Variants in RPGRIP1L observed in about 807,000 individuals in gnomAD.
RPGRIP1L encodes RPGRIP1 like.
In RPGRIP1L, 131 loss-of-function variants were observed where a neutral mutation model predicts 160.4. That is an observed-to-expected ratio of 0.82 (90% CI 0.71 to 0.94). The LOEUF (loss-of-function observed/expected upper bound fraction) is 0.94. Ranked by LOEUF, RPGRIP1L falls within the 40% of genes least tolerant of loss-of-function variation. The pLI, the probability that RPGRIP1L is intolerant of heterozygous loss-of-function variation, is 0.00. For missense variants in RPGRIP1L, 1,522 were observed against 1,535.8 expected, an observed-to-expected ratio of 0.99 and a Z score of 0.15; for synonymous variants, 510 against 515.8, an observed-to-expected ratio of 0.99 and a Z score of 0.15.
intron 22 of RPGRIP1L, among the ~76,000 whole-genome samples, chr16:53,630,163 GC>G (rs754688143): frequency 4.5e-4 from 68 of 152,014 alleles, no homozygotes; most frequent in South Asian, 8.3e-4. Flanking sequence ...TCCAACCTCA[GC>G]CTTCAGAGTA....
intron 17 of RPGRIP1L, among the ~76,000 whole-genome samples, chr16:53,643,008 T>C (rs1966331466): frequency 6.6e-6 from 1 of 151,972 alleles, no homozygotes; most frequent in Non-Finnish European, 1.5e-5. Flanking sequence ...ATATCAGAAG[T>C]GGGCGTTGGC....
chr16:53,623,990 C>T (rs1205507901), intron 22 of RPGRIP1L, among the ~76,000 whole-genome samples: 1 of 152,158 alleles, frequency 6.6e-6, no homozygotes, highest in Non-Finnish European at 1.5e-5. Flanking sequence ...CTCCCAGGCT[C>T]GAGTGATCCT....
chr16:53,656,349 A>G (rs1967254558), intron 14 of RPGRIP1L, 123 bp downstream of exon 14: 1 of 794,054 alleles, frequency 1.3e-6, no homozygotes, highest in East Asian at 2.4e-5. Context: ...TTCATGAGCT[A>G]GCTATGAATT....
chr16:53,620,153 G>A (rs1964617072), intron 23 of RPGRIP1L, among the ~76,000 whole-genome samples: 2 of 152,048 alleles, frequency 1.3e-5, no homozygotes, highest in Admixed American at 1.3e-4. Context: ...CCAGCTTTTA[G>A]GAATTCATTG....
chr16:53,686,994 C>G (rs1052273740), intron 5 of RPGRIP1L, among the ~76,000 whole-genome samples: 1 of 152,114 alleles, frequency 6.6e-6, no homozygotes, highest in Non-Finnish European at 1.5e-5. Flanking sequence ...TTAGTGGTCT[C>G]TGGCATGCAT....
intron 5 of RPGRIP1L, among the ~76,000 whole-genome samples, chr16:53,687,083 A>G (rs1334501726): frequency 5.3e-5 from 8 of 152,156 alleles, no homozygotes. Flanking sequence ...TCAGGTGATC[A>G]TCAGGTAACA....
rs1345034748 is a variant in RPGRIP1L, at chr16:53,692,253, C to G, written c.342G>C (p.Gln114His). ...CAAGCTCATGAACTTTCTCTTGCAG[C>G]TGCTCAATCATTTCTTCCATTTCCA... ...RDVEMEEMIEQLQEKVHELEK... is the reference protein window; with the variant it reads ...RDVEMEEMIEHLQEKVHELEK... The change falls in exon 4 of 27, where the codon CAG (glutamine) becomes CAC (histidine). Residue 114 changes from glutamine to histidine, a missense_variant. Coordinates refer to ENST00000647211, the MANE Select transcript of RPGRIP1L (RefSeq NM_015272.5). The G allele has an allele frequency of 6.2e-7, 1 of 1,614,074 alleles. No individual in the cohort carries two copies. The highest frequency in any genetic ancestry group is 1.3e-5 in the African/African-American group (1 of 74,928).
At chr16:53,628,633 A>T (rs764637842) in intron 22 of RPGRIP1L, 3 of 152,190 alleles carry the variant, frequency 2.0e-5, no homozygotes, top group Non-Finnish European at 4.4e-5. Context: ...TACAAAGGTG[A>T]TGTCTCCAGA....
intron 6 of RPGRIP1L, among the ~76,000 whole-genome samples, chr16:53,682,964 C>T (rs886489930): frequency 1.3e-5 from 2 of 152,080 alleles, no homozygotes; most frequent in South Asian, 4.1e-4. Flanking sequence ...TGTCACTAGA[C>T]ATATAGGATT....
intron 10 of RPGRIP1L, chr16:53,659,310 A>G (rs1290501671): frequency 1.1e-5 from 5 of 442,486 alleles, no homozygotes. Flanking sequence ...AGCATATAGT[A>G]TTTTTATTAA....
At chr16:53,639,181 C>G (rs1966045667) in intron 19 of RPGRIP1L, among the ~76,000 whole-genome samples, 1 of 151,708 alleles carries the variant, frequency 6.6e-6, no homozygotes, top group African/African-American at 2.4e-5. Flanking sequence ...CAGCTTATGA[C>G]TTTTACTATT....
intron 14 of RPGRIP1L, among the ~76,000 whole-genome samples, chr16:53,655,149 A>G (rs1598336876): frequency 6.6e-6 from 1 of 152,336 alleles, no homozygotes; most frequent in Non-Finnish European, 1.5e-5. Flanking sequence ...AAGCAGATAT[A>G]AAAATCCAGC....
At position 53,617,073 on chromosome 16, in the gene RPGRIP1L, C is replaced by CAAAAAAAAAAAAAAAAAAA. The variant is rs397945611; in HGVS notation, c.3616+1933_3616+1951dup. Reference sequence around the variant, plus strand: ...GGCAATAGCACCAGACCTTGCATCACAAAAAAAAAAAAAAAAAAAAAAAAA... The same window carrying CAAAAAAAAAAAAAAAAAAA: ...GGCAATAGCACCAGACCTTGCATCACAAAAAAAAAAAAAAAAAAAAAAAAAAAAAAAAAAAAAAAAAAAA... On this transcript the variant is annotated intron_variant, in intron 24 of 26. Transcript: ENST00000647211. 1.4e-3 allele frequency among the ~76,000 whole-genome samples: 31 copies of CAAAAAAAAAAAAAAAAAAA among 21,842 alleles called. 2 individuals are homozygous for CAAAAAAAAAAAAAAAAAAA. Among genetic ancestry groups the CAAAAAAAAAAAAAAAAAAA allele is most frequent in the East Asian group, 4.3e-3 (4 of 930 alleles). 14.3% of individuals were successfully genotyped at this position (21,842 alleles called of 152,430 possible). A position where few individuals can be genotyped will look rare whatever the true frequency, so the allele number is the denominator to read the frequency against.
intron 26 of RPGRIP1L, 77 bp from the exon 27 acceptor site, chr16:53,602,265 T>C: frequency 1.1e-6 from 1 of 944,616 alleles, no homozygotes; most frequent in Admixed American, 1.8e-5. Context: ...ACAGAAACAG[T>C]AGTTGAAAAG....
chr16:53,692,331 G>C lies in RPGRIP1L; in HGVS notation c.264C>G (p.Asp88Glu). The C allele has an allele frequency of 6.2e-7, 1 of 1,613,984 alleles. No homozygotes were observed. The highest frequency in any genetic ancestry group is 8.5e-7 in the Non-Finnish European group (1 of 1,179,998). Residue 88 changes from aspartate (D) to glutamate (E), a missense_variant, in exon 4 of 27, where the codon GAC (aspartate) becomes GAG (glutamate). Physicochemically the swap from Asp to Glu is conservative, Grantham distance 45. Coordinates refer to ENST00000647211, the MANE Select transcript of RPGRIP1L (RefSeq NM_015272.5). Reference protein sequence around the residue: ...MATKLIRLVNDKKRYERVGGG... With the variant: ...MATKLIRLVNEKKRYERVGGG... ...CACCAACCCGCTCATATCTTTTCTT[G>C]TCATTAACTAGCCGTATTAACTTGG...
At chr16:53,695,696 C>G in intron 3 of RPGRIP1L, 2 of 443,036 alleles carry the variant, frequency 4.5e-6, no homozygotes, top group Non-Finnish European at 8.0e-6. Context: ...CTAGTATAAC[C>G]CAAGCAAAGT....
intron 22 of RPGRIP1L, among the ~76,000 whole-genome samples, chr16:53,631,888 G>A (rs1278398766): frequency 6.6e-6 from 1 of 152,134 alleles, no homozygotes. Flanking sequence ...AAATTGGGTG[G>A]CACATTATGT....
At position 53,655,145 on chromosome 16, in the gene RPGRIP1L, A is replaced by G. The variant is rs576541824; in HGVS notation, c.1699+1327T>C. Among the ~76,000 whole-genome samples, 174 of 152,368 alleles carry G rather than the reference A, an allele frequency of 1.1e-3. 1 individual carries two copies. The highest frequency in any genetic ancestry group is 4.1e-3 in the African/African-American group (170 of 41,592). On this transcript the variant is annotated intron_variant, in intron 14 of 26. Transcript: ENST00000647211. ...CACAACAGATTAAATGCAGAAGCAG[A>G]TATAAAAATCCAGCTGTTTTCTATT...
chr16:53,645,702 C>T lies in RPGRIP1L; in HGVS notation c.2606G>A (p.Ser869Asn). 1 of 1,614,038 alleles carries T rather than the reference C, an allele frequency of 6.2e-7. No individual in the cohort carries two copies. Among genetic ancestry groups the T allele is most frequent in the Non-Finnish European group, 8.5e-7 (1 of 1,179,968 alleles). Residue 869 changes from serine (S) to asparagine (N), a missense_variant, in exon 17 of 27, where the codon AGT becomes AAT. Physicochemically the swap from Ser to Asn is conservative, Grantham distance 46 (BLOSUM62 1). Transcript: ENST00000647211. ...ESLSFYVFDD[S>N]DTQENIYIGK... is the part of the protein sequence containing the mutation. ...TATGTAAATATTCTCCTGGGTATCA[C>T]TATCATCAAAAACATAAAAACTCAG...
Sources: gnomAD v4.1 joint callset for allele counts (sites outside exome capture counted in the v4.1 genomes callset) on GRCh38, gnomAD v4.1.1 for gene constraint, MANE v1.5 for transcripts, NCBI Gene and HGNC (gene_info 2026-07-23, HGNC 2026-07-21) for gene names.